The following DZANK1 variants were observed in gnomAD, a reference collection of about 807,000 sequenced individuals.
DZANK1 encodes the protein double zinc ribbon and ankyrin repeat domains 1.
DZANK1 carries 91 observed loss-of-function variants against 94.5 expected under a neutral mutation model. The ratio of observed to expected loss-of-function variants is 0.96; its 90% CI spans 0.81 to 1.15. The LOEUF is 1.15. DZANK1 is among the 50% of genes most tolerant of loss of function. The probability of loss-of-function intolerance (pLI) is 0.00; values close to 1 mark genes in which losing one functional copy is unlikely to be tolerated. For synonymous variants in DZANK1, 312 were observed against 325.3 expected (o/e 0.96, Z 0.44); for missense variants, 903 against 916.4 (o/e 0.99, Z 0.19).
At chr20:18,398,467 G>A in intron 14 of DZANK1, 56 bp downstream of exon 14, 3 of 1,523,304 alleles carry the variant, frequency 2.0e-6, no homozygotes, top group Non-Finnish European at 2.7e-6. Context: ...TCCATGGAGG[G>A]TTCCTTCAGC....
chr20:18,406,582 T>C (rs1272801775), intron 13 of DZANK1, among the ~76,000 whole-genome samples: 1 of 152,244 alleles, frequency 6.6e-6, no homozygotes, highest in East Asian at 1.9e-4. Context: ...TGTGCTCTAA[T>C]ATGTGCTAAC....
At chr20:18,429,329 C>G (rs927286173) in intron 9 of DZANK1, among the ~76,000 whole-genome samples, 1 of 152,208 alleles carries the variant, frequency 6.6e-6, no homozygotes, top group African/African-American at 2.4e-5. Flanking sequence ...GGCTCATAAT[C>G]CAAAACTGCT....
At chr20:18,444,714 C>A (rs2058817895) in intron 7 of DZANK1, among the ~76,000 whole-genome samples, 1 of 148,798 alleles carries the variant, frequency 6.7e-6, no homozygotes, top group Non-Finnish European at 1.5e-5. Context: ...CCAATTAGAA[C>A]ATAGGAGTTG....
At chr20:18,460,682 T>C (rs889451076) in intron 2 of DZANK1, among the ~76,000 whole-genome samples, 1 of 152,020 alleles carries the variant, frequency 6.6e-6, no homozygotes, top group African/African-American at 2.4e-5. Context: ...TGAGCTGAGA[T>C]TGCGCCACTG....
At chr20:18,391,652 G>T (rs1302526457) in intron 17 of DZANK1, among the ~76,000 whole-genome samples, 1 of 152,220 alleles carries the variant, frequency 6.6e-6, no homozygotes, top group African/African-American at 2.4e-5. Context: ...CTTTTAGTAT[G>T]TTTCTGCCTC....
intron 14 of DZANK1, among the ~76,000 whole-genome samples, chr20:18,397,816 G>A (rs1266087764): frequency 6.6e-6 from 1 of 152,104 alleles, no homozygotes; most frequent in African/African-American, 2.4e-5. Context: ...ACCTACATGC[G>A]GCCACTCCAT....
Position 18,416,549 on chromosome 20 carries a change from A to G in DZANK1, c.955-1100T>C, listed in dbSNP as rs534196543. Among the ~76,000 whole-genome samples the G allele has an allele frequency of 1.2e-3, 189 of 152,330 alleles. 1 individual carries two copies. The highest frequency in any genetic ancestry group is 1.2e-3 in the South Asian group (6 of 4,824). On this transcript the variant is annotated intron_variant, in intron 10 of 20. Coordinates refer to ENST00000262547, the Ensembl canonical transcript of DZANK1. The stretch of plus-strand genomic sequence containing the variant: ...GTGTATTACCACATATGCCAGGCAC[A>G]ATACTAAGAACACGCACACCAGGGA...
chr20:18,450,780 G>A (rs1012918696), intron 6 of DZANK1, among the ~76,000 whole-genome samples: 1 of 152,136 alleles, frequency 6.6e-6, no homozygotes, highest in African/African-American at 2.4e-5. Context: ...TCAAATAGGA[G>A]GAACAGAACA....
At chr20:18,386,752 A>G (rs2048517747) in intron 19 of DZANK1, among the ~76,000 whole-genome samples, 1 of 152,224 alleles carries the variant, frequency 6.6e-6, no homozygotes, top group Admixed American at 6.5e-5. Flanking sequence ...AGATAATAGA[A>G]CAAATTTTTC....
At chr20:18,385,069 A>C in exon 20 of DZANK1, 1 of 1,553,292 alleles carries the variant, frequency 6.4e-7, no homozygotes, top group Non-Finnish European at 8.7e-7. Context: ...GAGTTGCTTC[A>C]TGAAGAGCTG....
intron 6 of DZANK1, 77 bp downstream of exon 6, chr20:18,452,538 A>C: frequency 6.9e-7 from 1 of 1,456,292 alleles, no homozygotes. Flanking sequence ...GGGGAGGTGC[A>C]GTCTTAAAGT....
chr20:18,446,214 C>T (rs902477648), intron 7 of DZANK1, among the ~76,000 whole-genome samples: 3 of 151,852 alleles, frequency 2.0e-5, no homozygotes, highest in East Asian at 1.9e-4. Context: ...CTCTGCGCTT[C>T]GGCCTGGGTG....
At chr20:18,455,104 C>G in intron 4 of DZANK1, 143 bp downstream of exon 4, 1 of 615,634 alleles carries the variant, frequency 1.6e-6, no homozygotes. Flanking sequence ...AGTAAAGATG[C>G]TTTGCAATGG....
rs953474593 is a variant in DZANK1 at position 18,426,995 on chromosome 20, C to T, written c.954+72G>A. 17 of 1,165,056 alleles carry T rather than the reference C, an allele frequency of 1.5e-5. No homozygotes were observed. In the South Asian group the frequency reaches 3.1e-4, roughly 21 times the overall value. 72.2% of individuals were successfully genotyped at this position (1,165,056 alleles called of 1,614,324 possible). Reference sequence around the variant, plus strand: ...CTCTCCCCAACCCCCTCGGCAGATTCTGTTTCTCTATTATCATTAACATTG... The same window carrying T: ...CTCTCCCCAACCCCCTCGGCAGATTTTGTTTCTCTATTATCATTAACATTG... On this transcript the variant is annotated intron_variant, in intron 10 of 20. Coordinates refer to ENST00000262547, the Ensembl canonical transcript of DZANK1.
intron 3 of DZANK1, among the ~76,000 whole-genome samples, chr20:18,456,254 A>G (rs919042277): frequency 2.6e-5 from 4 of 152,142 alleles, no homozygotes; most frequent in African/African-American, 9.7e-5. Context: ...AAATACTATC[A>G]TGTTTTCCAT....
At chr20:18,406,799 G>C (rs8117001) in intron 13 of DZANK1, among the ~76,000 whole-genome samples, 55,973 of 152,054 alleles carry the variant, frequency 0.37, 11,170 homozygotes, top group Middle Eastern at 0.46. Context: ...ATCTGCTCTG[G>C]GCCAGAGGGG....
intron 3 of DZANK1, among the ~76,000 whole-genome samples, chr20:18,458,470 G>A (rs2059365002): frequency 6.6e-6 from 1 of 152,094 alleles, no homozygotes; most frequent in African/African-American, 2.4e-5. Context: ...GTATTTCTTA[G>A]AATTTTTTTC....
intron 14 of DZANK1, 62 bp downstream of exon 14, chr20:18,398,461 T>C (rs2056483308): frequency 1.3e-6 from 2 of 1,494,196 alleles, no homozygotes; most frequent in Non-Finnish European, 9.3e-7. Flanking sequence ...GCAAAGTCCA[T>C]GGAGGGTTCC....
intron 13 of DZANK1, among the ~76,000 whole-genome samples, chr20:18,403,761 G>A (rs1320624364): frequency 6.6e-6 from 1 of 151,114 alleles, no homozygotes; most frequent in Non-Finnish European, 1.5e-5. Flanking sequence ...GACTTTGAAT[G>A]GATCCCAACA....
Sources: allele counts gnomAD v4.1 joint callset (sites outside exome capture counted in the v4.1 genomes callset), GRCh38; gene constraint gnomAD v4.1.1; transcripts MANE v1.5; gene names NCBI Gene and HGNC (gene_info 2026-07-23, HGNC 2026-07-21).